TM9SF4: variants seen among roughly 807,000 people sequenced by gnomAD.
The protein encoded by TM9SF4 is dinucleotide oxidase disulfide thiol exchanger 3 superfamily member 4.
TM9SF4 carries 26 observed loss-of-function variants against 90.4 expected under a neutral mutation model. The ratio of observed to expected loss-of-function variants is 0.29; its 90% CI spans 0.21 to 0.40. The LOEUF is 0.40. TM9SF4 is among the 10% of genes least tolerant of loss of function. The pLI is 1.00. For synonymous variants in TM9SF4, 293 were observed against 315.4 expected (o/e 0.93, Z 0.75); for missense variants, 549 against 834.8 (o/e 0.66, Z 4.22).
chr20:32,148,795 C>T (rs1031521209), intron 9 of TM9SF4, among the ~76,000 whole-genome samples: 6 of 151,668 alleles, frequency 4.0e-5, no homozygotes, highest in African/African-American at 7.3e-5. Flanking sequence ...CTCAGCCTCC[C>T]GAGTAGCTGG....
intron 1 of TM9SF4, among the ~76,000 whole-genome samples, chr20:32,129,584 T>C (rs1370866773): frequency 6.6e-6 from 1 of 151,726 alleles, no homozygotes; most frequent in Non-Finnish European, 1.5e-5. Flanking sequence ...CATTTTACTA[T>C]TGTAAGTAGT....
intron 17 of TM9SF4, among the ~76,000 whole-genome samples, chr20:32,161,679 G>A (rs112936636): frequency 1.8e-4 from 28 of 152,240 alleles, no homozygotes; most frequent in African/African-American, 6.3e-4. Flanking sequence ...GCTCTTCACA[G>A]GAAATAAGAG....
intron 1 of TM9SF4, among the ~76,000 whole-genome samples, chr20:32,123,181 G>A (rs1208328080): frequency 6.3e-4 from 12 of 19,064 alleles, no homozygotes; most frequent in Non-Finnish European, 1.3e-3. Context: ...GGGGGAGGGG[G>A]GGAGGGGGAG....
rs755098186 is a variant in TM9SF4 at position 32,165,334 on chromosome 20, G to A, written c.1819G>A (p.Gly607Ser). Residue 607 changes from glycine to serine, a missense_variant, in exon 18 of 18, where the codon GGC (glycine) becomes AGC (serine). Physicochemically the swap from Gly to Ser is moderately conservative, Grantham distance 56. Coordinates refer to ENST00000398022, the MANE Select transcript of TM9SF4 (RefSeq NM_014742.4). Reference sequence around the variant, plus strand: ...GTTCATCCCCTCTCTCCTCTACTTTGGCTACACGGCCCTCATGGTCTTGTC... The same window carrying A: ...GTTCATCCCCTCTCTCCTCTACTTTAGCTACACGGCCCTCATGGTCTTGTC... ...VEFIPSLLYF[G>S]YTALMVLSFW... 6.2e-7 allele frequency: 1 copy of A among 1,614,156 alleles called. No homozygotes were observed. The highest frequency in any genetic ancestry group is 8.5e-7 in the Non-Finnish European group (1 of 1,180,042).
At chr20:32,110,111 C>G (rs912998807) in intron 1 of TM9SF4, 21 of 1,125,404 alleles carry the variant, frequency 1.9e-5, no homozygotes, top group Middle Eastern at 3.9e-4. Flanking sequence ...TATTCTCATC[C>G]TTGCTCCTCC....
At chr20:32,136,888 G>A (rs1212429815) in intron 3 of TM9SF4, 1 of 471,180 alleles carries the variant, frequency 2.1e-6, no homozygotes, top group East Asian at 6.9e-5. Context: ...AAGGAGAAAG[G>A]AGAGAACTGG....
chr20:32,115,929 C>CT (rs2046215634), intron 1 of TM9SF4, among the ~76,000 whole-genome samples: 2 of 144,476 alleles, frequency 1.4e-5, no homozygotes, highest in Non-Finnish European at 3.0e-5. Context: ...TCGAGCGATT[C>CT]TCCTGCCTCA....
In TM9SF4 at chr20:32,128,255, A is replaced by G. The variant is rs145185823; in HGVS notation, c.16-4758A>G. Among the ~76,000 whole-genome samples, 5 of 152,226 alleles carry G rather than the reference A, an allele frequency of 3.3e-5. No individual in the cohort carries two copies. The East Asian group carries it at 9.6e-4, about 29-fold the overall frequency. On this transcript the variant is annotated intron_variant, in intron 1 of 17. Coordinates refer to ENST00000398022, the MANE Select transcript of TM9SF4 (RefSeq NM_014742.4). ...CAGTTTTAAATCTAGTCAAAGAGAAATACAGACCACTACATCCCTTCTGAG... is the reference window on the plus strand; with the variant it reads ...CAGTTTTAAATCTAGTCAAAGAGAAGTACAGACCACTACATCCCTTCTGAG...
chr20:32,150,679 C>T lies in TM9SF4; in HGVS notation c.1145C>T (p.Ala382Val). 6.2e-7 allele frequency: 1 copy of T among 1,614,242 alleles called. No individual in the cohort carries two copies. The highest frequency in any genetic ancestry group is 1.1e-5 in the South Asian group (1 of 91,084). Residue 382 changes from alanine to valine, a missense_variant, in exon 11 of 18, where the codon GCC becomes GTC. Ala to Val is a moderately conservative substitution (Grantham distance 64). Transcript: ENST00000398022. The part of the protein sequence containing the change: ...PSSRGALMTT[A>V]CFLFMFMGVF... ...AGCCGGGGAGCTCTCATGACCACAG[C>T]CTGCTTCCTCTTCATGTTCATGGGG...
intron 1 of TM9SF4, among the ~76,000 whole-genome samples, chr20:32,120,460 AT>A (rs2046289337): frequency 1.4e-5 from 2 of 141,962 alleles, no homozygotes; most frequent in Admixed American, 1.4e-4. Flanking sequence ...AATACAATTA[AT>A]TTTTCTATAT....
Position 32,158,439 on chromosome 20 carries a change from G to A in TM9SF4, c.1506-12G>A, listed in dbSNP as rs370795810. 2.5e-5 allele frequency: 40 copies of A among 1,614,050 alleles called. No individual in the cohort carries two copies. The highest frequency in any genetic ancestry group is 6.7e-5 in the East Asian group (3 of 44,894). ...TGGTCTCTAACAATGTCAACCTCTC[G>A]TTCTGTGGCAGCATCCTCATGGCTG... is the stretch of plus-strand genomic sequence containing the variant. On this transcript the variant is annotated splice_polypyrimidine_tract_variant and intron_variant, in intron 14 of 17. Transcript: ENST00000398022.
intron 5 of TM9SF4, among the ~76,000 whole-genome samples, chr20:32,142,485 TG>T (rs1278688282): frequency 6.6e-6 from 1 of 152,230 alleles, no homozygotes; most frequent in African/African-American, 2.4e-5. Flanking sequence ...CTGTCCTAAC[TG>T]GGAAGAGAAC....
In TM9SF4 at chr20:32,141,492, G is replaced by C. The variant is rs1206829402; in HGVS notation, c.230-5G>C. 8 of 1,613,730 alleles carry C rather than the reference G, an allele frequency of 5.0e-6. No individual in the cohort carries two copies. The highest frequency in any genetic ancestry group is 6.8e-6 in the Non-Finnish European group (8 of 1,179,810). ...TCTGAGCTTGATCTGTCTCTCTTAC[G>C]GCAGGAGAGGTGCTGAGAGGGGACC... On this transcript the variant is annotated splice_polypyrimidine_tract_variant and splice_region_variant and intron_variant, in intron 3 of 17. Coordinates refer to ENST00000398022, the MANE Select transcript of TM9SF4 (RefSeq NM_014742.4).
At chr20:32,137,334 C>CCTT (rs2122389214) in intron 3 of TM9SF4, among the ~76,000 whole-genome samples, 1 of 152,316 alleles carries the variant, frequency 6.6e-6, no homozygotes, top group Admixed American at 6.5e-5. Flanking sequence ...AATGTACCTC[C>CCTT]CTTCTCCTGG....
intron 9 of TM9SF4, among the ~76,000 whole-genome samples, chr20:32,148,366 C>T (rs771782489): frequency 2.6e-5 from 4 of 151,986 alleles, no homozygotes; most frequent in African/African-American, 4.8e-5. Flanking sequence ...CTTTCCATAC[C>T]ACCCATGGAA....
intron 1 of TM9SF4, among the ~76,000 whole-genome samples, chr20:32,122,032 A>C (rs1600783971): frequency 8.6e-6 from 1 of 116,110 alleles, no homozygotes; most frequent in Non-Finnish European, 1.8e-5. Flanking sequence ...CGGGGGGCTG[A>C]CCCCCCCACC....
intron 1 of TM9SF4, among the ~76,000 whole-genome samples, chr20:32,128,447 A>G (rs2046454876): frequency 6.6e-6 from 1 of 152,146 alleles, no homozygotes. Flanking sequence ...TTTCTTTTTT[A>G]AAATAAAATT....
intron 1 of TM9SF4, among the ~76,000 whole-genome samples, chr20:32,113,104 A>G (rs1423482720): frequency 1.3e-5 from 2 of 152,124 alleles, no homozygotes; most frequent in African/African-American, 4.8e-5. Context: ...CTCTGAGGTG[A>G]GTCATACAGC....
chr20:32,122,333 G>T (rs1405226809), intron 1 of TM9SF4, among the ~76,000 whole-genome samples: 2 of 151,528 alleles, frequency 1.3e-5, no homozygotes, highest in Non-Finnish European at 1.5e-5. Flanking sequence ...CCCGGACGGG[G>T]TGGCTGCCGG....
Sources: gnomAD v4.1 joint callset for allele counts (sites outside exome capture counted in the v4.1 genomes callset) on GRCh38, gnomAD v4.1.1 for gene constraint, MANE v1.5 for transcripts, NCBI Gene and HGNC (gene_info 2026-07-23, HGNC 2026-07-21) for gene names.